The following DOCK1 variants were observed in gnomAD, a reference collection of about 807,000 sequenced individuals.
DOCK1 encodes dedicator of cytokinesis protein 1.
A neutral mutation model predicts 262.7 loss-of-function variants in DOCK1; 138 were observed. The ratio of observed to expected loss-of-function variants is 0.53; its 90% CI spans 0.46 to 0.61. The LOEUF (loss-of-function observed/expected upper bound fraction) is 0.61. DOCK1 is among the 20% of genes least tolerant of loss of function. The pLI is 0.00. For missense variants in DOCK1, 1,908 were observed against 2,370.7 expected (o/e 0.80, Z 4.05); for synonymous variants, 866 against 867.4 (o/e 1.00, Z 0.03).
intron 23 of DOCK1, among the ~76,000 whole-genome samples, chr10:127,083,432 G>A (rs1291539452): frequency 1.3e-5 from 2 of 152,138 alleles, no homozygotes; most frequent in African/African-American, 2.4e-5. Context: ...TGCTTTGTTA[G>A]TTTTTGCTCC....
chr10:127,452,325 C>CAT lies in DOCK1; in HGVS notation c.*899_*900insTA, dbSNP rs1385854878. ...GTTAAAACACACACACACACACACA[C>CAT]ACATTTTTTTTTTGAGAACTCCAAA... On this transcript the variant is annotated 3_prime_UTR_variant, in exon 52 of 52. Transcript: ENST00000623213. 3 of 151,402 alleles carry CAT rather than the reference C, an allele frequency of 2.0e-5. No individual in the cohort carries two copies. Among genetic ancestry groups the CAT allele is most frequent in the African/African-American group, 4.9e-5 (2 of 40,776 alleles). The allele number at this position is 151,402 out of a possible 1,614,324, so 9.4% of individuals were successfully genotyped here. A position where few individuals can be genotyped will look rare whatever the true frequency, so the allele number is the denominator to read the frequency against.
At chr10:127,369,892 A>C (rs2065116954) in intron 33 of DOCK1, among the ~76,000 whole-genome samples, 1 of 152,250 alleles carries the variant, frequency 6.6e-6, no homozygotes, top group South Asian at 2.1e-4. Context: ...CAGGTACTCA[A>C]GGCTGAGTGA....
At chr10:127,169,611 G>T (rs1393066865) in intron 27 of DOCK1, among the ~76,000 whole-genome samples, 1 of 152,190 alleles carries the variant, frequency 6.6e-6, no homozygotes, top group Non-Finnish European at 1.5e-5. Context: ...CATTCATACA[G>T]ATTCTCTGTG....
intron 48 of DOCK1, 150 bp downstream of exon 48, chr10:127,433,578 C>A: frequency 8.8e-7 from 1 of 1,136,714 alleles, no homozygotes; most frequent in Non-Finnish European, 1.2e-6. Flanking sequence ...CCGAGACTTT[C>A]TGACCGTAGT....
chr10:127,045,197 C>CAAAA (rs1218696633), intron 21 of DOCK1, among the ~76,000 whole-genome samples: 1 of 31,656 alleles, frequency 3.2e-5, no homozygotes. Flanking sequence ...GACTCTGTCT[C>CAAAA]AATAAAAAAA....
At chr10:127,403,928 T>C (rs529783952) in intron 39 of DOCK1, among the ~76,000 whole-genome samples, 7 of 152,354 alleles carry the variant, frequency 4.6e-5, no homozygotes, top group African/African-American at 1.4e-4. Context: ...GTCATGAATT[T>C]AGAACAGAAC....
At chr10:127,156,952 A>G (rs1276486346) in intron 27 of DOCK1, among the ~76,000 whole-genome samples, 1 of 152,248 alleles carries the variant, frequency 6.6e-6, no homozygotes, top group East Asian at 1.9e-4. Context: ...CATTACGGTC[A>G]GTAAGCAAAT....
chr10:126,987,657 G>C, intron 5 of DOCK1, 40 bp downstream of exon 5: 1 of 1,502,240 alleles, frequency 6.7e-7, no homozygotes, highest in Non-Finnish European at 9.0e-7. Flanking sequence ...TAGAAATAGA[G>C]AGTGGGCTTT....
chr10:126,975,104 G>T (rs1488960524), intron 2 of DOCK1, among the ~76,000 whole-genome samples: 2 of 152,090 alleles, frequency 1.3e-5, no homozygotes, highest in Non-Finnish European at 2.9e-5. Flanking sequence ...ACAGATGTAA[G>T]TGTGTCATTA....
intron 33 of DOCK1, among the ~76,000 whole-genome samples, chr10:127,362,885 C>CCA (rs1324621404): frequency 4.6e-4 from 5 of 10,982 alleles, no homozygotes; most frequent in African/African-American, 8.2e-4. Flanking sequence ...ATACACATCC[C>CCA]CACACACACA....
At position 127,423,865 on chromosome 10, in the gene DOCK1, G is replaced by A. The variant is rs773000354; in HGVS notation, c.4777-2009G>A. 7.0e-4 allele frequency among the ~76,000 whole-genome samples: 107 copies of A among 152,152 alleles called. 1 individual carries two copies. The highest frequency in any genetic ancestry group is 2.1e-4 in the Non-Finnish European group (14 of 68,024). ...TCTTTGTAGAGCAGGCTGCAGGCTC[G>A]CTTTGATTAATTAGAGGTGTGACTT... On this transcript the variant is annotated intron_variant, in intron 46 of 51. Coordinates refer to ENST00000623213, the MANE Select transcript of DOCK1 (RefSeq NM_001290223.2).
At chr10:127,363,752 G>A (rs2064729438) in intron 33 of DOCK1, among the ~76,000 whole-genome samples, 1 of 152,134 alleles carries the variant, frequency 6.6e-6, no homozygotes, top group African/African-American at 2.4e-5. Context: ...TATCCACGAA[G>A]AATGATTTTG....
rs892753261 is a variant in DOCK1 at position 126,954,902 on chromosome 10, T to G, written c.47-15800T>G. Among the ~76,000 whole-genome samples, 6 of 152,328 alleles carry G rather than the reference T, an allele frequency of 3.9e-5. No individual in the cohort carries two copies. The East Asian group carries it at 5.8e-4, about 15-fold the overall frequency. On this transcript the variant is annotated intron_variant, in intron 1 of 51. Coordinates refer to ENST00000623213, the MANE Select transcript of DOCK1 (RefSeq NM_001290223.2). ...TGCTGTGAACCTTGGTGTACAAGTT[T>G]CTGTTCAAGTCCCCGCTTTCAGTTA...
intron 29 of DOCK1, among the ~76,000 whole-genome samples, chr10:127,302,752 G>A (rs976853144): frequency 6.9e-6 from 1 of 145,340 alleles, no homozygotes; most frequent in Non-Finnish European, 1.5e-5. Flanking sequence ...GTGTGTGTGT[G>A]TGTGTGTGTG....
intron 44 of DOCK1, among the ~76,000 whole-genome samples, chr10:127,415,890 A>G (rs991693330): frequency 7.0e-6 from 1 of 142,486 alleles, no homozygotes; most frequent in African/African-American, 2.7e-5. Context: ...GGCAACTGGC[A>G]ATATAAAAAC....
chr10:127,256,052 T>A (rs1478012824), intron 28 of DOCK1, among the ~76,000 whole-genome samples: 2 of 152,178 alleles, frequency 1.3e-5, no homozygotes, highest in African/African-American at 4.8e-5. Context: ...GGACTGACTT[T>A]TCCAACTTGA....
At chr10:126,999,536 T>G in intron 9 of DOCK1, 101 bp downstream of exon 9, 2 of 940,410 alleles carry the variant, frequency 2.1e-6, no homozygotes, top group Non-Finnish European at 3.4e-6. Flanking sequence ...CATGGGTCCC[T>G]GGGATGCCTG....
intron 11 of DOCK1, among the ~76,000 whole-genome samples, chr10:127,009,386 T>C (rs2041263311): frequency 6.6e-6 from 1 of 152,130 alleles, no homozygotes; most frequent in African/African-American, 2.4e-5. Flanking sequence ...ATTCATTAAA[T>C]TGATTATCTG....
At chr10:127,184,974 C>T (rs1431429738) in intron 27 of DOCK1, among the ~76,000 whole-genome samples, 3 of 152,166 alleles carry the variant, frequency 2.0e-5, no homozygotes, top group African/African-American at 7.2e-5. Context: ...TCTAGTCCAG[C>T]AGGAGAGAGA....
Sources: gnomAD v4.1 joint callset for allele counts (sites outside exome capture counted in the v4.1 genomes callset) on GRCh38, gnomAD v4.1.1 for gene constraint, MANE v1.5 for transcripts, NCBI Gene and HGNC (gene_info 2026-07-23, HGNC 2026-07-21) for gene names.